The following WDR36 variants were observed in gnomAD, a reference collection of about 807,000 sequenced individuals.
The protein encoded by WDR36 is WD repeat-containing protein 36.
A neutral mutation model predicts 112.7 loss-of-function variants in WDR36; 63 were observed. The ratio of observed to expected loss-of-function variants is 0.56; its 90% CI spans 0.46 to 0.69. The LOEUF (loss-of-function observed/expected upper bound fraction) is 0.69, where lower values mean the gene tolerates loss of function less well. WDR36 is among the 30% of genes least tolerant of loss of function. The probability of loss-of-function intolerance (pLI) is 0.00; values close to 1 mark genes in which losing one functional copy is unlikely to be tolerated. For synonymous variants in WDR36, 410 were observed against 362.2 expected (o/e 1.13, Z -1.50); for missense variants, 1,226 against 1,070.3 (o/e 1.15, Z -2.03).
chr5:111,096,571 G>A (rs983171580), intron 2 of WDR36, among the ~76,000 whole-genome samples: 9 of 152,190 alleles, frequency 5.9e-5, no homozygotes, highest in Non-Finnish European at 1.3e-4. Context: ...GGGTGTGGTG[G>A]TGCACTCCTA....
At chr5:111,098,606 G>A (rs1753043885) in intron 3 of WDR36, 116 bp from the exon 4 acceptor site, 4 of 748,386 alleles carry the variant, frequency 5.3e-6, no homozygotes, top group Non-Finnish European at 9.5e-6. Context: ...ATCAAAAGTT[G>A]GGGTACATTT....
chr5:111,096,548 A>C (rs1489391065), intron 2 of WDR36, among the ~76,000 whole-genome samples: 1 of 152,100 alleles, frequency 6.6e-6, no homozygotes, highest in Non-Finnish European at 1.5e-5. Context: ...TTCTAAAAAT[A>C]CAAAAATTAG....
intron 5 of WDR36, among the ~76,000 whole-genome samples, chr5:111,101,233 CAT>C (rs1463214838): frequency 1.3e-5 from 2 of 151,848 alleles, no homozygotes; most frequent in Non-Finnish European, 2.9e-5. Context: ...GATCCTGACA[CAT>C]GTTAGACAGC....
chr5:111,115,344 T>C (rs1191628644), intron 16 of WDR36, among the ~76,000 whole-genome samples: 3 of 151,852 alleles, frequency 2.0e-5, no homozygotes, highest in African/African-American at 7.3e-5. Context: ...CTAGGCACTG[T>C]TTATGCTTTT....
intron 5 of WDR36, among the ~76,000 whole-genome samples, chr5:111,101,572 A>G (rs1753121720): frequency 6.6e-6 from 1 of 152,022 alleles, no homozygotes; most frequent in South Asian, 2.1e-4. Context: ...ACTTCTATCC[A>G]TTATGTAAAC....
chr5:111,100,173 T>C (rs1044810536), intron 4 of WDR36, among the ~76,000 whole-genome samples: 3 of 151,970 alleles, frequency 2.0e-5, no homozygotes, highest in East Asian at 1.9e-4. Flanking sequence ...CATCAAACTT[T>C]CCAGATAATT....
chr5:111,097,235 G>A, intron 3 of WDR36, 56 bp downstream of exon 3: 1 of 1,285,800 alleles, frequency 7.8e-7, no homozygotes, highest in East Asian at 2.3e-5. Context: ...CATGATAGTG[G>A]AGGGAACTTT....
intron 4 of WDR36, among the ~76,000 whole-genome samples, 188 bp from the exon 5 acceptor site, chr5:111,100,401 A>C (rs1204071438): frequency 1.3e-5 from 2 of 151,980 alleles, no homozygotes; most frequent in African/African-American, 2.4e-5. Context: ...AAATTAAATT[A>C]CATTTACAAG....
Position 111,128,849 on chromosome 5 carries a change from T to C in WDR36, c.*1966T>C, listed in dbSNP as rs1753729622. The C allele has an allele frequency of 1.1e-5, 2 of 187,290 alleles. No homozygotes were observed. Among genetic ancestry groups the C allele is most frequent in the South Asian group, 3.9e-4 (2 of 5,128 alleles). The allele number at this position is 187,290 out of a possible 1,614,324, so 11.6% of individuals were successfully genotyped here. Reference sequence around the variant, plus strand: ...CAGTTTTTTAATTACTCATGTAATATATGACTACATTTTGCTTGTGTGCTT... The same window carrying C: ...CAGTTTTTTAATTACTCATGTAATACATGACTACATTTTGCTTGTGTGCTT... On this transcript the variant is annotated 3_prime_UTR_variant, in exon 23 of 23. Coordinates refer to ENST00000513710, the MANE Select transcript of WDR36 (RefSeq NM_139281.3).
intron 4 of WDR36, 39 bp from the exon 5 acceptor site, chr5:111,100,550 C>A: frequency 7.5e-7 from 1 of 1,331,502 alleles, no homozygotes; most frequent in Non-Finnish European, 1.0e-6. Flanking sequence ...ACATTTTAAA[C>A]TATTTTATAA....
At chr5:111,124,016 A>G in intron 20 of WDR36, 92 bp downstream of exon 20, 1 of 1,600,816 alleles carries the variant, frequency 6.2e-7, no homozygotes, top group Non-Finnish European at 8.5e-7. Context: ...TTACAGATAT[A>G]GGGTAAATTA....
intron 12 of WDR36, among the ~76,000 whole-genome samples, chr5:111,107,866 C>G (rs983488879): frequency 6.6e-6 from 1 of 151,354 alleles, no homozygotes; most frequent in East Asian, 1.9e-4. Context: ...ATACCAGTAC[C>G]ACACTGTCTT....
chr5:111,106,092 C>A lies in WDR36; in HGVS notation c.1129C>A (p.Leu377Ile), dbSNP rs1305345613. 6.2e-7 allele frequency: 1 copy of A among 1,609,916 alleles called. No homozygotes were observed. The highest frequency in any genetic ancestry group is 8.5e-7 in the Non-Finnish European group (1 of 1,177,040). The change falls in exon 11 of 23, where the codon CTT (leucine) becomes ATT (isoleucine). Residue 377 changes from leucine to isoleucine, a missense_variant. Physicochemically the swap from Leu to Ile is conservative, Grantham distance 5. Transcript: ENST00000513710. ...INKKRVKRKG[L>I]QNTMSVRLPP... ...TAAAAAGAGAGTTAAACGTAAAGGA[C>A]TTCAGAATACCATGTCAGTGAGACT... is the stretch of plus-strand genomic sequence containing the variant.
intron 16 of WDR36, among the ~76,000 whole-genome samples, chr5:111,116,574 T>G (rs536707955): frequency 6.6e-6 from 1 of 151,404 alleles, no homozygotes; most frequent in African/African-American, 2.4e-5. Context: ...AGGAATTGTT[T>G]TAATATTATT....
rs1300919909 is a variant in WDR36, at chr5:111,092,421, G to C, written c.-36G>C. 35 of 1,614,132 alleles carry C rather than the reference G, an allele frequency of 2.2e-5. No homozygotes were observed. Among genetic ancestry groups the C allele is most frequent in the Non-Finnish European group, 3.0e-5 (35 of 1,180,054 alleles). On this transcript the variant is annotated 5_prime_UTR_variant, in exon 1 of 23. Transcript: ENST00000513710. Reference sequence around the variant, plus strand: ...GGGACTGGGTACGTGTTTTCCTTCAGGACCAGAGCTGAGAGGAGCTGGGAT... The same window carrying C: ...GGGACTGGGTACGTGTTTTCCTTCACGACCAGAGCTGAGAGGAGCTGGGAT...
intron 12 of WDR36, among the ~76,000 whole-genome samples, chr5:111,108,791 T>G (rs1233744910): frequency 6.6e-6 from 1 of 151,262 alleles, no homozygotes; most frequent in Non-Finnish European, 1.5e-5. Context: ...GGGGCAGAGC[T>G]GGGATTTGAA....
At chr5:111,106,993 T>C (rs1753233959) in intron 11 of WDR36, among the ~76,000 whole-genome samples, 1 of 151,424 alleles carries the variant, frequency 6.6e-6, no homozygotes, top group African/African-American at 2.4e-5. Flanking sequence ...CTGTCATACT[T>C]TATTGTAATT....
intron 21 of WDR36, among the ~76,000 whole-genome samples, chr5:111,125,392 G>A (rs1302830071): frequency 6.6e-6 from 1 of 152,052 alleles, no homozygotes; most frequent in Admixed American, 6.6e-5. Context: ...GAAAAAAAAT[G>A]TGTTTTGAGT....
rs201449456 is a variant in WDR36 at position 111,104,338 on chromosome 5, G to C, written c.892G>C (p.Asp298His). ...REPLLVTNGA[D>H]NALRIWIFDG... ...GCCACTTCTTGTCACAAATGGCGCT[G>C]ACAATGCTCTTAGGGTATTATGATT... Residue 298 changes from aspartate (D) to histidine (H), a missense_variant, in exon 8 of 23, where the codon GAC becomes CAC. By Grantham distance (81) the Asp-to-His change is moderately conservative (BLOSUM62 -1). Transcript: ENST00000513710. 5.0e-6 allele frequency: 8 copies of C among 1,611,682 alleles called. No homozygotes were observed. Among genetic ancestry groups the C allele is most frequent in the Non-Finnish European group, 6.8e-6 (8 of 1,178,362 alleles).
Sources: gnomAD v4.1 joint callset for allele counts (sites outside exome capture counted in the v4.1 genomes callset) on GRCh38, gnomAD v4.1.1 for gene constraint, MANE v1.5 for transcripts, NCBI Gene and HGNC (gene_info 2026-07-23, HGNC 2026-07-21) for gene names.